The following ZFHX2 variants were observed in gnomAD, a reference collection of about 807,000 sequenced individuals.
ZFHX2 encodes zinc finger homeobox protein 2.
Under a neutral mutation model 164.8 loss-of-function variants are expected in ZFHX2, and 75 were observed. The ratio of observed to expected loss-of-function variants is 0.46; its 90% CI spans 0.38 to 0.55. ZFHX2 has a LOEUF of 0.55. Among genes scored for constraint, ZFHX2 ranks in the 20% least tolerant of loss-of-function variants. The probability of loss-of-function intolerance (pLI) is 0.00; values close to 1 mark genes in which losing one functional copy is unlikely to be tolerated. For synonymous variants in ZFHX2, 1,217 were observed against 1,351.4 expected, an observed-to-expected ratio of 0.90 and a Z score of 2.18; for missense variants, 2,933 against 3,308.0, an observed-to-expected ratio of 0.89 and a Z score of 2.78.
intron 5 of ZFHX2, 24 bp from the exon 6 acceptor site, chr14:23,529,792 T>G (rs1411947020): frequency 6.5e-7 from 1 of 1,534,962 alleles, no homozygotes; most frequent in South Asian, 1.2e-5. Context: ...AAGAGGAGAT[T>G]AAGGAACCCT....
At chr14:23,531,826 G>A (rs1456720171) in intron 3 of ZFHX2, 105 bp from the exon 4 acceptor site, 4 of 1,241,930 alleles carry the variant, frequency 3.2e-6, no homozygotes, top group African/African-American at 3.1e-5. Flanking sequence ...TGCCCAGGCT[G>A]GAGTGCAGTG....
At position 23,533,565 on chromosome 14, in the gene ZFHX2, A is replaced by C. The variant is rs1287587023; in HGVS notation, c.1761T>G (p.His587Gln). The change falls in exon 2 of 10, where the codon CAT becomes CAG. Residue 587 changes from histidine (H) to glutamine (Q), a missense_variant. Coordinates refer to ENST00000419474, the MANE Select transcript of ZFHX2 (RefSeq NM_033400.3). This position sits in a 1 kb window ranked among gnomAD's most constrained non-coding sequence, Gnocchi z 4.8. ...TCTGCATGTGCTTCTCAGAGGTCATATGGATGCGCAGGTTACGGGAGATGT... is the reference window on the plus strand; with the variant it reads ...TCTGCATGTGCTTCTCAGAGGTCATCTGGATGCGCAGGTTACGGGAGATGT... The part of the protein sequence containing the change: ...ETNISRNLRI[H>Q]MTSEKHMQNV... 1 of 1,536,388 alleles carries C rather than the reference A, an allele frequency of 6.5e-7. No individual in the cohort carries two copies. The highest frequency in any genetic ancestry group is 8.7e-7 in the Non-Finnish European group (1 of 1,147,012).
rs935220902 is a variant in ZFHX2 at position 23,524,012 on chromosome 14, G to A, written c.5930C>T (p.Pro1977Leu). 6.6e-7 allele frequency: 1 copy of A among 1,518,324 alleles called. No individual in the cohort carries two copies. The allele number at this position is 1,518,324 out of a possible 1,614,324, so 94.1% of individuals were successfully genotyped here. A position where few individuals can be genotyped will look rare whatever the true frequency, so the allele number is the denominator to read the frequency against. ...TTTCCCAGGTGGTAGGAAAGGCTGG[G>A]GCCCAGAAGCAAGCGTGGCAGTGGG... Reference protein sequence around the residue: ...PYPTATLASGPQPFLPPGKEA... With the variant: ...PYPTATLASGLQPFLPPGKEA... The change falls in exon 9 of 10, where the codon CCC becomes CTC. Residue 1977 changes from proline (P) to leucine (L), a missense_variant. Pro to Leu is a moderately conservative substitution (Grantham distance 98). Transcript: ENST00000419474. The surrounding 1 kb of genome is among the most constrained non-coding windows in gnomAD (Gnocchi z 5.6).
rs1322938070 is a variant in ZFHX2, at chr14:23,526,402, G to A, written c.3540C>T (p.Ala1180=). ...PLTYRKTTNF[A]LDKFLDPARP... ...GGGCAGGGTCGAGAAACTTGTCCAG[G>A]GCAAAGTTGGTGGTTTTCCGATAGG... The change falls in exon 9 of 10, where the codon GCC becomes GCT. Residue 1180 remains alanine, a synonymous_variant. Coordinates refer to ENST00000419474, the MANE Select transcript of ZFHX2 (RefSeq NM_033400.3). The A allele has an allele frequency of 6.5e-7, 1 of 1,536,296 alleles. No homozygotes were observed. The highest frequency in any genetic ancestry group is 2.0e-5 in the Admixed American group (1 of 50,996).
rs754557681 is a variant in ZFHX2 at position 23,526,049 on chromosome 14, C to T, written c.3893G>A (p.Gly1298Asp). 2.0e-6 allele frequency: 3 copies of T among 1,536,498 alleles called. No homozygotes were observed. Among genetic ancestry groups the T allele is most frequent in the South Asian group, 1.2e-5 (1 of 84,050 alleles). The change falls in exon 9 of 10, where the codon GGC becomes GAC. Residue 1298 changes from glycine to aspartate, a missense_variant. Physicochemically the swap from Gly to Asp is moderately conservative, Grantham distance 94. Transcript: ENST00000419474. ...AGTGCCCACCTCCCCCTCTGTCTCGCCTTCCTTGGGCTCTTCTTGGCTGCG... is the reference window on the plus strand; with the variant it reads ...AGTGCCCACCTCCCCCTCTGTCTCGTCTTCCTTGGGCTCTTCTTGGCTGCG... ...PERSQEEPKE[G>D]ETEGEVGTEK... is the part of the protein sequence containing the mutation.
rs1194951253 is a variant in ZFHX2 at position 23,533,434 on chromosome 14, A to G, written c.1892T>C (p.Leu631Pro). The G allele has an allele frequency of 6.6e-7, 1 of 1,525,862 alleles. No homozygotes were observed. The highest frequency in any genetic ancestry group is 8.8e-7 in the Non-Finnish European group (1 of 1,140,188). 94.5% of individuals were successfully genotyped at this position (1,525,862 alleles called of 1,614,324 possible). Reference protein sequence around the residue: ...PGATPTSPPELFQYFGPQALG... With the variant: ...PGATPTSPPEPFQYFGPQALG... Reference sequence around the variant, plus strand: ...GGCCTGGGGCCCAAAGTACTGGAAGAGTTCAGGGGGGCTAGTGGGGGTAGC... The same window carrying G: ...GGCCTGGGGCCCAAAGTACTGGAAGGGTTCAGGGGGGCTAGTGGGGGTAGC... Residue 631 changes from leucine (L) to proline (P), a missense_variant, in exon 2 of 10, where the codon CTC becomes CCC. By Grantham distance (98) the Leu-to-Pro change is moderately conservative (BLOSUM62 -3). Coordinates refer to ENST00000419474, the MANE Select transcript of ZFHX2 (RefSeq NM_033400.3). This position sits in a 1 kb window ranked among gnomAD's most constrained non-coding sequence, Gnocchi z 4.8.
rs1235601056 is a variant in ZFHX2 at position 23,546,782 on chromosome 14, G to A, written c.-50+4561C>T. 2.0e-5 allele frequency among the ~76,000 whole-genome samples: 3 copies of A among 152,260 alleles called. No individual in the cohort carries two copies. The South Asian group carries it at 6.2e-4, about 32-fold the overall frequency. ...CGGTGAGGTAAAGGACCACTGTGTC[G>A]ACAGCCTGTCGCTTGCTGCAAAATA... On this transcript the variant is annotated intron_variant, in intron 1 of 9. Coordinates refer to ENST00000419474, the MANE Select transcript of ZFHX2 (RefSeq NM_033400.3). This position sits in a 1 kb window ranked among gnomAD's most constrained non-coding sequence, Gnocchi z 4.7.
At chr14:23,527,353 C>G (rs1439822360) in intron 7 of ZFHX2, among the ~76,000 whole-genome samples, 1 of 152,216 alleles carries the variant, frequency 6.6e-6, no homozygotes, top group Non-Finnish European at 1.5e-5. Context: ...TAAAATCCAA[C>G]TTCAAATCCA....
chr14:23,552,367 C>T (rs575338434), upstream of ZFHX2, among the ~76,000 whole-genome samples: 1 of 150,654 alleles, frequency 6.6e-6, no homozygotes, highest in African/African-American at 2.4e-5. Context: ...GATCTCGGCT[C>T]ACTGCAACCT....
rs989402806 is a variant in ZFHX2 at position 23,525,743 on chromosome 14, G to A, written c.4199C>T (p.Pro1400Leu). 1.3e-6 allele frequency: 2 copies of A among 1,511,588 alleles called. No individual in the cohort carries two copies. Among genetic ancestry groups the A allele is most frequent in the Non-Finnish European group, 1.8e-6 (2 of 1,134,016 alleles). The allele number at this position is 1,511,588 out of a possible 1,614,324, so 93.6% of individuals were successfully genotyped here. The change falls in exon 9 of 10, where the codon CCT becomes CTT. Residue 1400 changes from proline to leucine, a missense_variant. Transcript: ENST00000419474. The surrounding 1 kb of genome is among the most constrained non-coding windows in gnomAD (Gnocchi z 5.9). ...PAATPPPPPQ[P>L]PKAELAEREW... ...CCGCTCAGCCAGCTCAGCCTTGGGA[G>A]GTTGGGGTGGAGGAGGAGGGGTGGC...
chr14:23,526,241 G>A lies in ZFHX2; in HGVS notation c.3701C>T (p.Ala1234Val). The A allele has an allele frequency of 6.5e-7, 1 of 1,536,364 alleles. No homozygotes were observed. The highest frequency in any genetic ancestry group is 8.7e-7 in the Non-Finnish European group (1 of 1,146,914). Residue 1234 changes from alanine (A) to valine (V), a missense_variant, in exon 9 of 10, where the codon GCC (alanine) becomes GTC (valine). Physicochemically the swap from Ala to Val is moderately conservative, Grantham distance 64. Coordinates refer to ENST00000419474, the MANE Select transcript of ZFHX2 (RefSeq NM_033400.3). ...AGCAGTGGTGGTGGGTGGGGCACCG[G>A]CCTCTCCCCGTGCAGGGGCAGAGGG... is the stretch of plus-strand genomic sequence containing the variant. ...IDPSAPARGE[A>V]GAPPTTTAAT... is the part of the protein sequence containing the mutation.
intron 1 of ZFHX2, among the ~76,000 whole-genome samples, chr14:23,540,884 T>C (rs1595178435): frequency 1.3e-5 from 2 of 152,142 alleles, no homozygotes; most frequent in Non-Finnish European, 2.9e-5. Flanking sequence ...ACAGCTTTCC[T>C]TCTGTTCACC....
Position 23,535,014 on chromosome 14 carries a change from C to G in ZFHX2, c.312G>C (p.Gly104=). ...GGTTGCTTAGGTCCATGGGAGGGAG[C>G]CCTTCTTCTTCCTCCTCCTGCTCCT... is the stretch of plus-strand genomic sequence containing the variant. ...KDKEQEEEEE[G]LPPMDLSNHL... is the part of the protein sequence containing the mutation. Residue 104 remains glycine, a synonymous_variant, in exon 2 of 10, where the codon GGG becomes GGC. Transcript: ENST00000419474. This position sits in a 1 kb window ranked among gnomAD's most constrained non-coding sequence, Gnocchi z 4.5. 6.5e-7 allele frequency: 1 copy of G among 1,536,050 alleles called. No homozygotes were observed. The highest frequency in any genetic ancestry group is 8.7e-7 in the Non-Finnish European group (1 of 1,146,830).
In ZFHX2 at chr14:23,546,567, C is replaced by T. The variant is rs760794448; in HGVS notation, c.-50+4776G>A. 4.6e-5 allele frequency among the ~76,000 whole-genome samples: 7 copies of T among 151,972 alleles called. No homozygotes were observed. Among genetic ancestry groups the T allele is most frequent in the African/African-American group, 7.3e-5 (3 of 41,344 alleles). On this transcript the variant is annotated intron_variant, in intron 1 of 9. Transcript: ENST00000419474. This position sits in a 1 kb window ranked among gnomAD's most constrained non-coding sequence, Gnocchi z 4.7. ...ACTGAGAGCCCATGGGATTACCCTA[C>T]GGGGCTGGAAGTTACTTCTAAATCT...
Position 23,539,098 on chromosome 14 carries a change from T to C in ZFHX2, c.-49-3724A>G, listed in dbSNP as rs186441537. 2.2e-3 allele frequency among the ~76,000 whole-genome samples: 329 copies of C among 152,294 alleles called. 1 individual carries two copies. Among genetic ancestry groups the C allele is most frequent in the African/African-American group, 7.7e-3 (322 of 41,554 alleles). ...ATGGCCCTTAGTCTCCAGAGTTCCCTGCTGCCCCTTCAGCCTATCCTCCTC... is the reference window on the plus strand; with the variant it reads ...ATGGCCCTTAGTCTCCAGAGTTCCCCGCTGCCCCTTCAGCCTATCCTCCTC... On this transcript the variant is annotated intron_variant, in intron 1 of 9. Coordinates refer to ENST00000419474, the MANE Select transcript of ZFHX2 (RefSeq NM_033400.3).
rs758240451 is a variant in ZFHX2, at chr14:23,522,216, G to A, written c.7465C>T (p.Arg2489Trp). 32 of 1,478,422 alleles carry A rather than the reference G, an allele frequency of 2.2e-5. No homozygotes were observed. Among genetic ancestry groups the A allele is most frequent in the African/African-American group, 2.8e-5 (2 of 71,560 alleles). 91.6% of individuals were successfully genotyped at this position (1,478,422 alleles called of 1,614,324 possible). ...CAGTGGTAGGTGCAGATGGGCACCCGCAATGGGGGTGGCATGGAGCCCCCA... is the reference window on the plus strand; with the variant it reads ...CAGTGGTAGGTGCAGATGGGCACCCACAATGGGGGTGGCATGGAGCCCCCA... The part of the protein sequence containing the change: ...GSGGSMPPPL[R>W]VPICTYHCLA... The change falls in exon 10 of 10, where the codon CGG (arginine) becomes TGG (tryptophan). Residue 2489 changes from arginine (R) to tryptophan (W), a missense_variant. Transcript: ENST00000419474.
At position 23,531,296 on chromosome 14, in the gene ZFHX2, G is replaced by C. The variant is rs554927090; in HGVS notation, c.2800+185C>G. On this transcript the variant is annotated intron_variant, in intron 4 of 9. Coordinates refer to ENST00000419474, the MANE Select transcript of ZFHX2 (RefSeq NM_033400.3). ...TGCCCTTCTTTGCCCCTCCACTCAA[G>C]GTAGCCTCCACAGTGCCTGACACGC... The C allele has an allele frequency of 5.8e-6, 5 of 865,644 alleles. No individual in the cohort carries two copies. The South Asian group carries it at 2.6e-4, about 45-fold the overall frequency. The allele number at this position is 865,644 out of a possible 1,614,324, so 53.6% of individuals were successfully genotyped here.
At chr14:23,550,151 G>A (rs1005193312) in intron 1 of ZFHX2, among the ~76,000 whole-genome samples, 1 of 152,254 alleles carries the variant, frequency 6.6e-6, no homozygotes, top group African/African-American at 2.4e-5. Flanking sequence ...AGGTTCTGAT[G>A]AGGGAGACAG....
upstream of ZFHX2, among the ~76,000 whole-genome samples, chr14:23,552,987 C>T (rs1291182865): frequency 6.6e-6 from 1 of 152,200 alleles, no homozygotes; most frequent in African/African-American, 2.4e-5. Context: ...GTTTACTCCT[C>T]TCAATACCTC....
Sources: gnomAD v4.1 joint callset for allele counts (sites outside exome capture counted in the v4.1 genomes callset) on GRCh38, gnomAD v4.1.1 for gene constraint, Gnocchi (gnomAD v3.1) non-coding constraint, MANE v1.5 for transcripts, NCBI Gene and HGNC (gene_info 2026-07-23, HGNC 2026-07-21) for gene names.